ST6GAL1: variants seen among roughly 807,000 people sequenced by gnomAD.
ST6GAL1 encodes the protein beta-galactoside alpha-2,6-sialyltransferase 1.
ST6GAL1 carries 20 observed loss-of-function variants against 38.0 expected under a neutral mutation model. The observed-to-expected ratio is 0.53, with a 90% confidence interval of 0.37 to 0.77. The LOEUF is 0.77. Among genes scored for constraint, ST6GAL1 ranks in the 30% least tolerant of loss-of-function variants. The probability of loss-of-function intolerance (pLI) is 0.00; values close to 1 mark genes in which losing one functional copy is unlikely to be tolerated. For missense variants in ST6GAL1, 432 were observed against 496.4 expected (o/e 0.87, Z 1.23); for synonymous variants, 196 against 188.2 (o/e 1.04, Z -0.34).
chr3:186,982,710 T>C (rs1160424260), intron 2 of ST6GAL1, among the ~76,000 whole-genome samples: 1 of 151,956 alleles, frequency 6.6e-6, no homozygotes, highest in Non-Finnish European at 1.5e-5. Context: ...AGAAGGAGTT[T>C]CGCTCTTGTT....
At chr3:186,994,246 A>G (rs1716286239) in intron 2 of ST6GAL1, among the ~76,000 whole-genome samples, 1 of 152,254 alleles carries the variant, frequency 6.6e-6, no homozygotes, top group Admixed American at 6.5e-5. Flanking sequence ...CCACAAGTGC[A>G]GGTGGGGAGA....
chr3:186,934,277 C>A (rs1713861340), intron 1 of ST6GAL1, among the ~76,000 whole-genome samples: 2 of 152,206 alleles, frequency 1.3e-5, no homozygotes, highest in Admixed American at 1.3e-4. Flanking sequence ...TGGCTCACTC[C>A]AGTAATCACA....
intron 5 of ST6GAL1, among the ~76,000 whole-genome samples, chr3:187,069,200 T>C: frequency 6.6e-6 from 1 of 151,946 alleles, no homozygotes; most frequent in East Asian, 1.9e-4. Flanking sequence ...AGTGGCACGA[T>C]CTTGGCTCAC....
At chr3:186,991,259 A>G (rs941721455) in intron 2 of ST6GAL1, among the ~76,000 whole-genome samples, 6 of 152,132 alleles carry the variant, frequency 3.9e-5, no homozygotes, top group African/African-American at 1.4e-4. Flanking sequence ...TACAAAAGGC[A>G]TTTCTTAGGA....
intron 2 of ST6GAL1, among the ~76,000 whole-genome samples, chr3:186,983,859 T>C (rs1229260786): frequency 6.6e-6 from 1 of 151,882 alleles, no homozygotes; most frequent in Non-Finnish European, 1.5e-5. Flanking sequence ...TGGAGAAAAA[T>C]TCCACTAGCT....
intron 5 of ST6GAL1, among the ~76,000 whole-genome samples, chr3:187,052,746 C>T (rs1373008429): frequency 1.3e-5 from 2 of 152,116 alleles, no homozygotes; most frequent in Non-Finnish European, 2.9e-5. Flanking sequence ...TGAATACTGC[C>T]ACAATAAGCA....
chr3:186,978,242 G>A (rs950583000), intron 2 of ST6GAL1, among the ~76,000 whole-genome samples: 1 of 151,818 alleles, frequency 6.6e-6, no homozygotes, highest in East Asian at 1.9e-4. Context: ...AGAAAAAACA[G>A]TCTCAGAGAG....
At chr3:187,012,444 G>A (rs980337634) in intron 2 of ST6GAL1, among the ~76,000 whole-genome samples, 2 of 152,058 alleles carry the variant, frequency 1.3e-5, no homozygotes, top group African/African-American at 4.8e-5. Context: ...TTCCAGTACA[G>A]ACGGGGTTTC....
chr3:186,964,824 C>CT (rs1715051678), intron 2 of ST6GAL1, among the ~76,000 whole-genome samples: 1 of 152,036 alleles, frequency 6.6e-6, no homozygotes, highest in African/African-American at 2.4e-5. Flanking sequence ...AGGGCTTACC[C>CT]TACCCCAGGC....
Position 186,952,839 on chromosome 3 carries a change from A to G in ST6GAL1, c.-324-10946A>G, listed in dbSNP as rs1714628816. On this transcript the variant is annotated intron_variant, in intron 1 of 7. Coordinates refer to ENST00000169298, the MANE Select transcript of ST6GAL1 (RefSeq NM_173216.2). This position sits in a 1 kb window ranked among gnomAD's most constrained non-coding sequence, Gnocchi z 4.1. ...ACATCTAATATACATCTCAAATATG[A>G]CAAGCCCAAAATCGAACTGCTGCTT... 6.6e-6 allele frequency among the ~76,000 whole-genome samples: 1 copy of G among 152,210 alleles called. No individual in the cohort carries two copies. The highest frequency in any genetic ancestry group is 2.1e-4 in the South Asian group (1 of 4,836).
intron 2 of ST6GAL1, among the ~76,000 whole-genome samples, chr3:187,022,161 T>G (rs909320253): frequency 2.0e-5 from 3 of 152,130 alleles, no homozygotes; most frequent in African/African-American, 4.8e-5. Context: ...CACTAAGCCC[T>G]CAATCTGTAG....
chr3:187,067,633 C>T, intron 5 of ST6GAL1, among the ~76,000 whole-genome samples: 1 of 152,210 alleles, frequency 6.6e-6, no homozygotes, highest in East Asian at 1.9e-4. Context: ...TCTCAAGTAG[C>T]TCAAGTGAAT....
intron 2 of ST6GAL1, chr3:186,996,671 C>G (rs1716419830): frequency 6.6e-6 from 1 of 152,176 alleles, no homozygotes; most frequent in Non-Finnish European, 1.5e-5. Flanking sequence ...ACCTACCAAC[C>G]AGGTATCTCT....
At position 187,007,292 on chromosome 3, in the gene ST6GAL1, A is replaced by C. The variant is rs188408485; in HGVS notation, c.-182-31450A>C. On this transcript the variant is annotated intron_variant, in intron 2 of 7. Coordinates refer to ENST00000169298, the MANE Select transcript of ST6GAL1 (RefSeq NM_173216.2). ...AGGAGAGAGGTGGAAAAAGGGATCC[A>C]CAAATTGGACTGACAAAAGTCCTGG... Among the ~76,000 whole-genome samples, 381 of 152,340 alleles carry C rather than the reference A, an allele frequency of 2.5e-3. 2 individuals carry two copies. The highest frequency in any genetic ancestry group is 3.5e-3 in the Non-Finnish European group (237 of 68,016).
intron 2 of ST6GAL1, among the ~76,000 whole-genome samples, chr3:187,022,518 T>C (rs1717363602): frequency 6.6e-6 from 1 of 152,306 alleles, no homozygotes. Flanking sequence ...TGTGGGGGCC[T>C]AGGTCCTTGG....
At chr3:186,941,835 AC>A (rs768390013) in intron 1 of ST6GAL1, among the ~76,000 whole-genome samples, 9 of 151,846 alleles carry the variant, frequency 5.9e-5, no homozygotes, top group Non-Finnish European at 1.3e-4. Context: ...ACACAGTGAA[AC>A]CCCGTCTCTA....
At chr3:186,977,517 C>G (rs1347641981) in intron 2 of ST6GAL1, among the ~76,000 whole-genome samples, 1 of 152,208 alleles carries the variant, frequency 6.6e-6, no homozygotes, top group Non-Finnish European at 1.5e-5. Flanking sequence ...CTCTGAAAAG[C>G]TCAGAGCTAC....
intron 2 of ST6GAL1, among the ~76,000 whole-genome samples, chr3:187,025,245 G>A (rs1205494778): frequency 6.6e-6 from 1 of 152,118 alleles, no homozygotes; most frequent in Non-Finnish European, 1.5e-5. Flanking sequence ...AAAGTCTGGC[G>A]TTTGCTTTAA....
At chr3:187,066,601 C>CGT (rs3055152) in intron 5 of ST6GAL1, among the ~76,000 whole-genome samples, 17,401 of 148,704 alleles carry the variant, frequency 0.12, 1,148 homozygotes, top group Middle Eastern at 0.18. Flanking sequence ...TGCGTGCGTG[C>CGT]GTGTGTGTGT....
Sources: allele counts gnomAD v4.1 joint callset (sites outside exome capture counted in the v4.1 genomes callset), GRCh38; gene constraint gnomAD v4.1.1; non-coding constraint Gnocchi (gnomAD v3.1); transcripts MANE v1.5; gene names NCBI Gene and HGNC (gene_info 2026-07-23, HGNC 2026-07-21).